Variants in ZNF821 observed in about 807,000 individuals in gnomAD.
ZNF821 encodes the protein zinc finger protein 821.
ZNF821 carries 16 observed loss-of-function variants against 44.3 expected under a neutral mutation model. That is an observed-to-expected ratio of 0.36 (90% CI 0.24 to 0.55). The LOEUF is 0.55. Among genes scored for constraint, ZNF821 ranks in the 20% least tolerant of loss-of-function variants. The pLI is 0.86. For synonymous variants in ZNF821, 204 were observed against 197.6 expected, an observed-to-expected ratio of 1.03 and a Z score of -0.27; for missense variants, 436 against 547.6, an observed-to-expected ratio of 0.80 and a Z score of 2.03.
intron 3 of ZNF821, among the ~76,000 whole-genome samples, chr16:71,875,438 T>C (rs1327154868): frequency 1.3e-5 from 2 of 150,496 alleles, no homozygotes; most frequent in Non-Finnish European, 3.0e-5. Context: ...TGCGCCACCA[T>C]GCCCAGCTAA....
chr16:71,868,965 CCA>C lies in ZNF821; in HGVS notation c.41-930_41-929del, dbSNP rs571854664. 1.5e-3 allele frequency among the ~76,000 whole-genome samples: 230 copies of C among 152,170 alleles called. 2 individuals carry two copies. The highest frequency in any genetic ancestry group is 3.1e-3 in the Admixed American group (48 of 15,290). ...GCGTGAGCCACCATGCCTGGCCAGT[CCA>C]GTTTTTTTTTAAATGTAGTACCCCA... On this transcript the variant is annotated intron_variant, in intron 3 of 7. Transcript: ENST00000425432.
At chr16:71,876,681 C>A (rs1455888163) in intron 3 of ZNF821, among the ~76,000 whole-genome samples, 1 of 152,190 alleles carries the variant, frequency 6.6e-6, no homozygotes, top group Non-Finnish European at 1.5e-5. Flanking sequence ...TCTCTCAGCT[C>A]ACTGCAGCCT....
upstream of ZNF821, among the ~76,000 whole-genome samples, chr16:71,886,658 T>A (rs1236009048): frequency 6.6e-6 from 1 of 152,224 alleles, no homozygotes; most frequent in African/African-American, 2.4e-5. Context: ...TACATTTTTT[T>A]AAATTAAGGT....
At chr16:71,867,591 C>A (rs559788883) in intron 4 of ZNF821, among the ~76,000 whole-genome samples, 1 of 151,758 alleles carries the variant, frequency 6.6e-6, no homozygotes, top group African/African-American at 2.4e-5. Context: ...GAGGCTGAGG[C>A]AGGAGAATCG....
intron 2 of ZNF821, among the ~76,000 whole-genome samples, chr16:71,882,607 T>C (rs963624350): frequency 7.2e-5 from 11 of 152,164 alleles, no homozygotes; most frequent in African/African-American, 2.7e-4. Flanking sequence ...ACTGACCAGA[T>C]GGTACCCAAT....
At chr16:71,868,072 G>C (rs1384065813) in intron 3 of ZNF821, 35 bp from the exon 4 acceptor site, 4 of 1,526,062 alleles carry the variant, frequency 2.6e-6, no homozygotes, top group Non-Finnish European at 3.5e-6. Context: ...CAGGCCACCA[G>C]CTGGGCAGCA....
Position 71,860,570 on chromosome 16 carries a change from C to T in ZNF821, c.687G>A (p.Val229=), listed in dbSNP as rs2033732973. The change falls in exon 8 of 8, where the codon GTG becomes GTA. Residue 229 remains valine, a synonymous_variant. Transcript: ENST00000425432. The surrounding 1 kb of genome is among the most constrained non-coding windows in gnomAD (Gnocchi z 7.3). ...ACACAAGCAGAATTCCAGCAGGGTACACTGGAGGACTAAAGGCAATATCCT... is the reference window on the plus strand; with the variant it reads ...ACACAAGCAGAATTCCAGCAGGGTATACTGGAGGACTAAAGGCAATATCCT... The part of the protein sequence containing the change: ...EGKDIAFSPP[V]YPAGILLVCN... The T allele has an allele frequency of 6.2e-7, 1 of 1,614,098 alleles. No homozygotes were observed. Among genetic ancestry groups the T allele is most frequent in the Non-Finnish European group, 8.5e-7 (1 of 1,180,036 alleles).
At chr16:71,872,964 A>C (rs1309734208) in intron 3 of ZNF821, among the ~76,000 whole-genome samples, 1 of 152,234 alleles carries the variant, frequency 6.6e-6, no homozygotes, top group Non-Finnish European at 1.5e-5. Flanking sequence ...GGTTAGTTCA[A>C]ACACACTAAA....
chr16:71,860,286 C>A lies in ZNF821; in HGVS notation c.971G>T (p.Arg324Leu). ...EQRARRLQRD[R>L]EAMRLKRANE... ...GGCCCGCTTCAGCCTCATGGCCTCC[C>A]GATCCCGCTGCAGCCGGCGTGCCCG... The change falls in exon 8 of 8, where the codon CGG becomes CTG. Residue 324 changes from arginine to leucine, a missense_variant. Physicochemically the swap from Arg to Leu is moderately radical, Grantham distance 102 (BLOSUM62 -2). Around this residue, in one of 5 missense-constraint regions of ZNF821, gnomAD observed 72 missense variants for 133.3 expected, o/e 0.54. Coordinates refer to ENST00000425432, the MANE Select transcript of ZNF821 (RefSeq NM_001201552.2). The surrounding 1 kb of genome is among the most constrained non-coding windows in gnomAD (Gnocchi z 7.3). 6.2e-7 allele frequency: 1 copy of A among 1,613,648 alleles called. No homozygotes were observed. Among genetic ancestry groups the A allele is most frequent in the Non-Finnish European group, 8.5e-7 (1 of 1,180,034 alleles).
At chr16:71,872,266 C>T (rs753601317) in intron 3 of ZNF821, among the ~76,000 whole-genome samples, 92 of 151,896 alleles carry the variant, frequency 6.1e-4, no homozygotes, top group Non-Finnish European at 1.2e-3. Flanking sequence ...TGCAGTTAAA[C>T]AAATGTAATT....
At chr16:71,869,431 G>A (rs1331849533) in intron 3 of ZNF821, among the ~76,000 whole-genome samples, 3 of 152,214 alleles carry the variant, frequency 2.0e-5, no homozygotes, top group East Asian at 1.9e-4. Flanking sequence ...CATTCATTGG[G>A]CATCTATTAT....
chr16:71,879,782 C>T, intron 3 of ZNF821, 125 bp downstream of exon 3: 1 of 909,348 alleles, frequency 1.1e-6, no homozygotes, highest in Non-Finnish European at 1.7e-6. Context: ...GCTCAGCAAA[C>T]TGTGTTTTAC....
chr16:71,879,212 G>A (rs905890146), intron 3 of ZNF821, among the ~76,000 whole-genome samples: 1 of 152,070 alleles, frequency 6.6e-6, no homozygotes, highest in African/African-American at 2.4e-5. Context: ...TCTGACTTTT[G>A]AACAAATGAG....
Position 71,861,759 on chromosome 16 carries a change from A to G in ZNF821, c.584+17T>C, listed in dbSNP as rs757565350. On this transcript the variant is annotated intron_variant, in intron 7 of 7. Coordinates refer to ENST00000425432, the MANE Select transcript of ZNF821 (RefSeq NM_001201552.2). ...GTAATTTGCTCCCAGCACAACAGGG[A>G]TAAGTGCCCAGCTGACCTGTTAAAA... The G allele has an allele frequency of 9.9e-6, 16 of 1,613,214 alleles. No homozygotes were observed. Among genetic ancestry groups the G allele is most frequent in the South Asian group, 6.6e-5 (6 of 91,050 alleles).
intron 3 of ZNF821, among the ~76,000 whole-genome samples, chr16:71,878,463 C>G (rs1278988867): frequency 6.6e-6 from 1 of 151,856 alleles, no homozygotes; most frequent in Non-Finnish European, 1.5e-5. Context: ...GATTATCTTC[C>G]CAGATAATAG....
At chr16:71,882,869 G>C (rs967507491) in intron 2 of ZNF821, among the ~76,000 whole-genome samples, 4 of 152,072 alleles carry the variant, frequency 2.6e-5, no homozygotes, top group African/African-American at 9.7e-5. Flanking sequence ...CAGCCCTAAA[G>C]GTCACTCATT....
rs2036400264 is a variant in ZNF821, at chr16:71,881,314, T to C, written c.-77-1291A>G. On this transcript the variant is annotated intron_variant, in intron 2 of 7. Transcript: ENST00000425432. ...CCTATAATCAGATCCTGCCTCCCCT[T>C]ACCAAAAGAATAAAGAAACCGCAAA... The C allele has an allele frequency of 2.0e-5, 3 of 152,150 alleles. No homozygotes were observed. The South Asian group carries it at 6.2e-4, about 32-fold the overall frequency. The allele number at this position is 152,150 out of a possible 1,614,324, so 9.4% of individuals were successfully genotyped here.
intron 3 of ZNF821, among the ~76,000 whole-genome samples, chr16:71,868,810 G>A (rs1166120470): frequency 2.0e-5 from 3 of 150,918 alleles, no homozygotes; most frequent in Admixed American, 6.6e-5. Context: ...GCTGGCACCC[G>A]CCTCCATGCC....
Position 71,864,128 on chromosome 16 carries a change from C to G in ZNF821, c.417+10G>C. On this transcript the variant is annotated intron_variant, in intron 6 of 7. Transcript: ENST00000425432. ...TTGTGTTCCAGAGCACACAGCTCCC[C>G]CATCCATACCTGGTACACGTGAGCA... 6.2e-7 allele frequency: 1 copy of G among 1,611,972 alleles called. No homozygotes were observed. The highest frequency in any genetic ancestry group is 1.1e-5 in the South Asian group (1 of 91,028).
Sources: gnomAD v4.1 joint callset for allele counts (sites outside exome capture counted in the v4.1 genomes callset) on GRCh38, gnomAD v4.1.1 for gene constraint, gnomAD v4.1.1 regional missense constraint, Gnocchi (gnomAD v3.1) non-coding constraint, MANE v1.5 for transcripts, NCBI Gene and HGNC (gene_info 2026-07-23, HGNC 2026-07-21) for gene names.